The following TANC2 variants were observed in gnomAD, a reference collection of about 807,000 sequenced individuals.
The protein encoded by TANC2 is tetratricopeptide repeat, ankyrin repeat and coiled-coil containing 2.
TANC2 carries 26 observed loss-of-function variants against 210.5 expected under a neutral mutation model. That is an observed-to-expected ratio of 0.12 (90% CI 0.09 to 0.17). TANC2 has a LOEUF of 0.17. Ranked by LOEUF, TANC2 falls within the 10% of genes least tolerant of loss-of-function variation. The probability of loss-of-function intolerance (pLI) is 1.00; values close to 1 mark genes in which losing one functional copy is unlikely to be tolerated. For missense variants in TANC2, 2,129 were observed against 2,608.9 expected (o/e 0.82, Z 4.01); for synonymous variants, 931 against 967.1 (o/e 0.96, Z 0.69).
chr17:63,173,012 A>G (rs1208727082), intron 5 of TANC2, among the ~76,000 whole-genome samples: 2 of 152,212 alleles, frequency 1.3e-5, no homozygotes, highest in Admixed American at 6.5e-5. Flanking sequence ...TGCGAATGGC[A>G]TATCAGAAGG....
chr17:63,363,420 C>T (rs545995102), intron 14 of TANC2, among the ~76,000 whole-genome samples: 1 of 152,234 alleles, frequency 6.6e-6, no homozygotes, highest in East Asian at 1.9e-4. Flanking sequence ...GGTATTGCTC[C>T]AGAAGTCTCT....
At chr17:63,224,328 T>A (rs1455145085) in intron 7 of TANC2, among the ~76,000 whole-genome samples, 1 of 150,236 alleles carries the variant, frequency 6.7e-6, no homozygotes, top group Non-Finnish European at 1.5e-5. Flanking sequence ...CTTGGCTCAC[T>A]GCAGCCTCCG....
At chr17:63,425,309 T>G (rs1282043321) in exon 28 of TANC2, 1 of 152,210 alleles carries the variant, frequency 6.6e-6, no homozygotes, top group Non-Finnish European at 1.5e-5. Context: ...GCTAATGTAG[T>G]TAAGCCTGGA....
intron 2 of TANC2, among the ~76,000 whole-genome samples, chr17:63,020,497 G>A (rs2034302353): frequency 6.6e-6 from 1 of 152,016 alleles, no homozygotes; most frequent in African/African-American, 2.4e-5. Context: ...TAGAGACGAG[G>A]TCTTATGATG....
chr17:63,343,720 A>G (rs1234223628), intron 12 of TANC2, among the ~76,000 whole-genome samples: 3 of 152,078 alleles, frequency 2.0e-5, no homozygotes, highest in East Asian at 3.9e-4. Flanking sequence ...CCTGGGCAAC[A>G]TAGCAAGTAC....
Position 63,420,599 on chromosome 17 carries a change from C to G in TANC2, c.4869C>G (p.Gly1623=), listed in dbSNP as rs761643737. 1 of 1,613,854 alleles carries G rather than the reference C, an allele frequency of 6.2e-7. No homozygotes were observed. The highest frequency in any genetic ancestry group is 8.5e-7 in the Non-Finnish European group (1 of 1,179,804). Reference sequence around the variant, plus strand: ...CTCCCCCTTCCCCTCTCCGGAGAGGCCCTCAGTATCGGGCCAGCCCTCCAG... The same window carrying G: ...CTCCCCCTTCCCCTCTCCGGAGAGGGCCTCAGTATCGGGCCAGCCCTCCAG... The change falls in exon 28 of 28, where the codon GGC becomes GGG. Residue 1623 remains glycine (G), a synonymous_variant. Coordinates refer to ENST00000689528, the Ensembl canonical transcript of TANC2. The surrounding 1 kb of genome is among the most constrained non-coding windows in gnomAD (Gnocchi z 4.2).
At chr17:63,377,808 A>G (rs2047473197) in intron 14 of TANC2, among the ~76,000 whole-genome samples, 2 of 152,236 alleles carry the variant, frequency 1.3e-5, no homozygotes. Flanking sequence ...ATTTATAAAG[A>G]AAAGAGATTT....
chr17:63,420,112 A>AGCCACAGCAGCCACCGCC lies in TANC2; in HGVS notation c.4388_4405dup (p.Gln1463_Pro1468dup). The AGCCACAGCAGCCACCGCC allele has an allele frequency of 1.3e-6, 2 of 1,552,358 alleles. No individual in the cohort carries two copies. The highest frequency in any genetic ancestry group is 1.2e-5 in the South Asian group (1 of 84,124). ...GAAGAAGAGTGTAGACAGATGCAGCAGCCACAGCAGCCACCGCCGCCACCG... is the reference window on the plus strand; with the variant it reads ...GAAGAAGAGTGTAGACAGATGCAGCAGCCACAGCAGCCACCGCCGCCACAGCAGCCACCGCCGCCACCG... On this transcript the variant is annotated inframe_insertion, in exon 28 of 28. Transcript: ENST00000689528. This position sits in a 1 kb window ranked among gnomAD's most constrained non-coding sequence, Gnocchi z 4.2.
chr17:63,364,139 A>G (rs1353214630), intron 14 of TANC2, among the ~76,000 whole-genome samples: 1 of 152,246 alleles, frequency 6.6e-6, no homozygotes, highest in Non-Finnish European at 1.5e-5. Context: ...ACCCAATGTC[A>G]TGGTTTTGTG....
chr17:63,094,870 T>TC (rs2037330454), intron 3 of TANC2, among the ~76,000 whole-genome samples: 1 of 152,136 alleles, frequency 6.6e-6, no homozygotes, highest in Non-Finnish European at 1.5e-5. Flanking sequence ...ATCTCCATCA[T>TC]ATTATCTCAG....
intron 1 of TANC2, among the ~76,000 whole-genome samples, chr17:62,974,945 A>C (rs1345446666): frequency 2.0e-5 from 3 of 152,354 alleles, no homozygotes; most frequent in East Asian, 3.9e-4. Flanking sequence ...CCAGGTAGCC[A>C]TTCTTATTTC....
chr17:63,109,047 A>G (rs867322127), intron 4 of TANC2, among the ~76,000 whole-genome samples: 7 of 151,568 alleles, frequency 4.6e-5, no homozygotes, highest in Admixed American at 3.3e-4. Context: ...AAAGTTGGAA[A>G]TTAACATGTA....
chr17:63,219,309 T>C (rs1317232839), intron 7 of TANC2, among the ~76,000 whole-genome samples: 1 of 152,204 alleles, frequency 6.6e-6, no homozygotes, highest in African/African-American at 2.4e-5. Context: ...AATTATTATA[T>C]AAATAATAAT....
rs549362543 is a variant in TANC2, at chr17:63,083,359, C to G, written c.139+9345C>G. Among the ~76,000 whole-genome samples, 6 of 152,272 alleles carry G rather than the reference C, an allele frequency of 3.9e-5. No homozygotes were observed. In the South Asian group the frequency reaches 1.2e-3, roughly 32 times the overall value. On this transcript the variant is annotated intron_variant, in intron 3 of 27. Coordinates refer to ENST00000689528, the Ensembl canonical transcript of TANC2. ...ACTCCTGGGATAAGAGAAAAAGATTCCCTTCTCTCAGACTTCAGGTGCTTG... is the reference window on the plus strand; with the variant it reads ...ACTCCTGGGATAAGAGAAAAAGATTGCCTTCTCTCAGACTTCAGGTGCTTG...
intron 11 of TANC2, among the ~76,000 whole-genome samples, chr17:63,327,241 G>T (rs1464931345): frequency 6.6e-6 from 1 of 152,236 alleles, no homozygotes; most frequent in African/African-American, 2.4e-5. Context: ...TGGCAAGGAT[G>T]TGGAGAAAAG....
chr17:63,041,556 T>C (rs1415946974), intron 2 of TANC2, among the ~76,000 whole-genome samples: 1 of 152,198 alleles, frequency 6.6e-6, no homozygotes, highest in Admixed American at 6.6e-5. Flanking sequence ...ATCTTAATCA[T>C]TGAACATTTT....
chr17:63,061,879 T>A (rs1444786429), intron 2 of TANC2, among the ~76,000 whole-genome samples: 2 of 152,150 alleles, frequency 1.3e-5, no homozygotes, highest in Admixed American at 1.3e-4. Flanking sequence ...GTTTATTTGA[T>A]CTTGCGTTTC....
intron 1 of TANC2, among the ~76,000 whole-genome samples, chr17:62,984,162 G>A (rs1465048958): frequency 6.6e-5 from 10 of 151,964 alleles, no homozygotes; most frequent in Admixed American, 5.2e-4. Context: ...CAGTCTCAGT[G>A]CTTGTTGGTC....
chr17:63,278,958 G>A (rs745375429), intron 9 of TANC2, among the ~76,000 whole-genome samples: 6 of 152,100 alleles, frequency 3.9e-5, no homozygotes, highest in Non-Finnish European at 8.8e-5. Flanking sequence ...GAAATGGGGA[G>A]TTCCTGTTCA....
Sources: gnomAD v4.1 joint callset for allele counts (sites outside exome capture counted in the v4.1 genomes callset) on GRCh38, gnomAD v4.1.1 for gene constraint, Gnocchi (gnomAD v3.1) non-coding constraint, MANE v1.5 for transcripts, NCBI Gene and HGNC (gene_info 2026-07-23, HGNC 2026-07-21) for gene names.